The following APBB2 variants were observed in gnomAD, a reference collection of about 807,000 sequenced individuals.
APBB2 encodes amyloid beta precursor protein binding family B member 2, also known as Fe65-like 1.
APBB2 carries 38 observed loss-of-function variants against 82.5 expected under a neutral mutation model. The observed-to-expected ratio is 0.46, with a 90% confidence interval of 0.36 to 0.60. APBB2 has a LOEUF of 0.60. Ranked by LOEUF, APBB2 falls within the 20% of genes least tolerant of loss-of-function variation. APBB2 has a pLI of 0.00. For missense variants in APBB2, 772 were observed against 972.3 expected, an observed-to-expected ratio of 0.79 and a Z score of 2.74; for synonymous variants, 341 against 368.2, an observed-to-expected ratio of 0.93 and a Z score of 0.85.
At chr4:41,093,140 G>A (rs1243627987) in intron 3 of APBB2, among the ~76,000 whole-genome samples, 2 of 152,184 alleles carry the variant, frequency 1.3e-5, no homozygotes, top group African/African-American at 4.8e-5. Context: ...AAACCCCAGA[G>A]TTTTTCAAAG....
intron 6 of APBB2, among the ~76,000 whole-genome samples, chr4:40,987,325 A>C (rs1488863698): frequency 6.6e-6 from 1 of 152,210 alleles, no homozygotes; most frequent in South Asian, 2.1e-4. Context: ...ATACTTCAGC[A>C]TTTGGCAGAA....
At chr4:40,911,812 C>T (rs537727637) in intron 10 of APBB2, among the ~76,000 whole-genome samples, 117 of 152,332 alleles carry the variant, frequency 7.7e-4, no homozygotes, top group African/African-American at 2.6e-3. Context: ...GCCGAGCCTC[C>T]ATGCAGAGCT....
intron 2 of APBB2, among the ~76,000 whole-genome samples, chr4:41,116,725 A>G (rs771603478): frequency 1.1e-4 from 17 of 152,228 alleles, no homozygotes; most frequent in South Asian, 2.1e-4. Flanking sequence ...AATAATGTTA[A>G]TAATTGTATA....
At chr4:40,816,934 T>G (rs1745921775) in intron 17 of APBB2, among the ~76,000 whole-genome samples, 1 of 152,230 alleles carries the variant, frequency 6.6e-6, no homozygotes, top group Non-Finnish European at 1.5e-5. Context: ...AGTCTAAATC[T>G]TTATGGATTA....
chr4:41,094,803 G>A lies in APBB2; in HGVS notation c.-149+5836C>T, dbSNP rs146297928. Among the ~76,000 whole-genome samples the A allele has an allele frequency of 2.5e-3, 374 of 152,218 alleles. 1 individual carries two copies. The highest frequency in any genetic ancestry group is 8.5e-3 in the African/African-American group (353 of 41,536). On this transcript the variant is annotated intron_variant, in intron 3 of 17. Coordinates refer to ENST00000508593, the MANE Select transcript of APBB2 (RefSeq NM_004307.2). ...TGGACTCGAACTCCTAACCTCAAGT[G>A]ACCTGCCTGCTTTGGCCTCCCAAAG...
At chr4:41,001,884 AAAAAAAG>A (rs919582838) in intron 6 of APBB2, among the ~76,000 whole-genome samples, 3 of 151,976 alleles carry the variant, frequency 2.0e-5, no homozygotes, top group African/African-American at 7.2e-5. Flanking sequence ...CCTCAAAAAA[AAAAAAAG>A]AAAAAGAAAA....
At chr4:41,035,258 T>C (rs983867531) in intron 4 of APBB2, among the ~76,000 whole-genome samples, 2 of 152,242 alleles carry the variant, frequency 1.3e-5, no homozygotes, top group Non-Finnish European at 2.9e-5. Context: ...CAACCTTTAA[T>C]GGGCATCACT....
rs946143588 is a variant in APBB2 at position 40,826,453 on chromosome 4, C to T, written c.1733-483G>A. Among the ~76,000 whole-genome samples, 1 of 152,018 alleles carries T rather than the reference C, an allele frequency of 6.6e-6. No homozygotes were observed. The highest frequency in any genetic ancestry group is 2.4e-5 in the African/African-American group (1 of 41,374). On this transcript the variant is annotated intron_variant, in intron 14 of 17. Transcript: ENST00000508593. This position sits in a 1 kb window ranked among gnomAD's most constrained non-coding sequence, Gnocchi z 4.5. ...TGGTGCGATCTTGGCTCGCTGCAAC[C>T]TCCATCTCCTGGGTTCTAGCAATTC...
At chr4:41,093,338 G>C (rs1742420259) in intron 3 of APBB2, among the ~76,000 whole-genome samples, 1 of 152,192 alleles carries the variant, frequency 6.6e-6, no homozygotes, top group Non-Finnish European at 1.5e-5. Context: ...GGGTCATCCT[G>C]AGATAAACAT....
At chr4:40,939,049 C>CA (rs1786136752) in intron 7 of APBB2, among the ~76,000 whole-genome samples, 1 of 152,150 alleles carries the variant, frequency 6.6e-6, no homozygotes, top group Non-Finnish European at 1.5e-5. Flanking sequence ...GCCCTGCACC[C>CA]ACTCAGGGCT....
chr4:41,037,582 A>G (rs748609177), intron 4 of APBB2, among the ~76,000 whole-genome samples: 6 of 152,248 alleles, frequency 3.9e-5, no homozygotes, highest in Non-Finnish European at 8.8e-5. Flanking sequence ...CAAGACATTT[A>G]TCATCCCTGG....
chr4:41,008,086 C>T (rs751269337), intron 6 of APBB2, among the ~76,000 whole-genome samples: 6 of 152,154 alleles, frequency 3.9e-5, no homozygotes, highest in African/African-American at 4.8e-5. Flanking sequence ...TTCCACTTTC[C>T]GGATTCTCAA....
intron 6 of APBB2, among the ~76,000 whole-genome samples, chr4:41,012,807 G>GT: frequency 6.6e-6 from 1 of 152,194 alleles, no homozygotes; most frequent in South Asian, 2.1e-4. Context: ...ATACAATAAG[G>GT]TTCTCCACAT....
At chr4:41,056,584 G>T (rs944751013) in intron 4 of APBB2, among the ~76,000 whole-genome samples, 3 of 152,186 alleles carry the variant, frequency 2.0e-5, no homozygotes, top group Non-Finnish European at 4.4e-5. Flanking sequence ...ATCCACAGAT[G>T]AGATATAAGA....
At chr4:41,000,137 C>G (rs1051142352) in intron 6 of APBB2, among the ~76,000 whole-genome samples, 9 of 145,316 alleles carry the variant, frequency 6.2e-5, no homozygotes, top group African/African-American at 1.8e-4. Flanking sequence ...GGTGTGCACC[C>G]GTAGTCACAG....
chr4:41,155,973 A>G (rs1349972529), intron 1 of APBB2, among the ~76,000 whole-genome samples: 1 of 151,858 alleles, frequency 6.6e-6, no homozygotes, highest in Non-Finnish European at 1.5e-5. Flanking sequence ...GGCATCTATA[A>G]TGGCTGAATT....
intron 6 of APBB2, among the ~76,000 whole-genome samples, chr4:40,946,572 A>C (rs922345728): frequency 2.6e-5 from 4 of 152,064 alleles, no homozygotes; most frequent in African/African-American, 9.7e-5. Flanking sequence ...TTGACTAGGA[A>C]ATGGGTAACA....
chr4:40,816,320 G>A, intron 17 of APBB2, 61 bp from the exon 18 acceptor site: 4 of 1,580,236 alleles, frequency 2.5e-6, no homozygotes, highest in Non-Finnish European at 2.6e-6. Context: ...TCTTTAATAT[G>A]ACTTTAAGTC....
intron 1 of APBB2, among the ~76,000 whole-genome samples, chr4:41,184,056 G>C (rs1160322248): frequency 1.3e-5 from 2 of 151,834 alleles, no homozygotes; most frequent in Non-Finnish European, 2.9e-5. Context: ...TTCCCATAAA[G>C]AGCGTACAAC....
Sources: gnomAD v4.1 joint callset for allele counts (sites outside exome capture counted in the v4.1 genomes callset) on GRCh38, gnomAD v4.1.1 for gene constraint, Gnocchi (gnomAD v3.1) non-coding constraint, MANE v1.5 for transcripts, NCBI Gene and HGNC (gene_info 2026-07-23, HGNC 2026-07-21) for gene names.